Variants in DPYSL3 observed in about 807,000 individuals in gnomAD.
DPYSL3 encodes dihydropyrimidinase-related protein 3.
DPYSL3 carries 16 observed loss-of-function variants against 66.1 expected under a neutral mutation model. That is an observed-to-expected ratio of 0.24 (90% confidence interval 0.16 to 0.37). DPYSL3 has a LOEUF of 0.37. DPYSL3 is among the 10% of genes least tolerant of loss of function. The probability of loss-of-function intolerance (pLI) is 1.00; values close to 1 mark genes in which losing one functional copy is unlikely to be tolerated. For missense variants in DPYSL3, 738 were observed against 916.2 expected (o/e 0.81, Z 2.51); for synonymous variants, 338 against 345.1 (o/e 0.98, Z 0.23).
At chr5:147,396,392 G>A (rs1386807339) in intron 12 of DPYSL3, among the ~76,000 whole-genome samples, 2 of 152,186 alleles carry the variant, frequency 1.3e-5, no homozygotes, top group African/African-American at 4.8e-5. Context: ...GGTACCTCCT[G>A]CAAAGGGGCT....
chr5:147,404,922 TC>T (rs113470360), intron 8 of DPYSL3, among the ~76,000 whole-genome samples: 2,225 of 152,072 alleles, frequency 0.015, 61 homozygotes, highest in African/African-American at 0.05. Context: ...GATTATATCA[TC>T]CCCGGGGTGT....
chr5:147,456,655 A>G (rs944196852), intron 1 of DPYSL3, among the ~76,000 whole-genome samples: 1 of 126,256 alleles, frequency 7.9e-6, no homozygotes, highest in African/African-American at 3.1e-5. Context: ...CAGTGGGGTG[A>G]TCTCGGCTCA....
At chr5:147,462,337 C>A (rs1298730184) in intron 1 of DPYSL3, among the ~76,000 whole-genome samples, 1 of 152,090 alleles carries the variant, frequency 6.6e-6, no homozygotes, top group Non-Finnish European at 1.5e-5. Context: ...TCTGAAAGAT[C>A]TAGATTGTCT....
chr5:147,461,335 C>A (rs1752928448), intron 1 of DPYSL3, among the ~76,000 whole-genome samples: 1 of 152,292 alleles, frequency 6.6e-6, no homozygotes, highest in Admixed American at 6.5e-5. Context: ...ATGCAAATGG[C>A]ACACCTGGTC....
In DPYSL3 at chr5:147,509,697, G is replaced by A; in HGVS notation, c.162C>T (p.Ala54=). Residue 54 remains alanine (A), a synonymous_variant, in exon 1 of 14, where the codon GCC becomes GCT. Transcript: ENST00000343218. This position sits in a 1 kb window ranked among gnomAD's most constrained non-coding sequence, Gnocchi z 5.3. ...AFESKTLDFD[A]LSVGQRGAKT... The stretch of plus-strand genomic sequence containing the variant: ...TCGCGCCCCGCTGCCCCACGCTGAG[G>A]GCATCGAAATCCAGCGTCTTGCTCT... 1.3e-6 allele frequency: 2 copies of A among 1,535,922 alleles called. No homozygotes were observed. The highest frequency in any genetic ancestry group is 4.9e-5 in the East Asian group (2 of 40,878).
At chr5:147,455,274 C>T (rs1209472190) in intron 1 of DPYSL3, among the ~76,000 whole-genome samples, 1 of 152,164 alleles carries the variant, frequency 6.6e-6, no homozygotes, top group African/African-American at 2.4e-5. Flanking sequence ...ACACACAAAG[C>T]CCCCCTTAAA....
At chr5:147,398,571 G>T (rs751422858) in intron 11 of DPYSL3, among the ~76,000 whole-genome samples, 1 of 152,158 alleles carries the variant, frequency 6.6e-6, no homozygotes, top group African/African-American at 2.4e-5. Flanking sequence ...TTTCTGTTAG[G>T]TACTGCACTT....
intron 6 of DPYSL3, 44 bp from the exon 7 acceptor site, chr5:147,408,840 G>C: frequency 5.0e-6 from 8 of 1,602,758 alleles, no homozygotes; most frequent in Non-Finnish European, 6.8e-6. Context: ...GCTCAAGTGA[G>C]ATTTGGAAAA....
At chr5:147,458,881 A>G (rs1752892407) in intron 1 of DPYSL3, among the ~76,000 whole-genome samples, 2 of 152,230 alleles carry the variant, frequency 1.3e-5, no homozygotes, top group South Asian at 4.1e-4. Flanking sequence ...AGGGGAATAA[A>G]GGACAGTGAA....
chr5:147,403,102 A>T (rs565589617), intron 8 of DPYSL3, among the ~76,000 whole-genome samples: 1 of 152,300 alleles, frequency 6.6e-6, no homozygotes, highest in South Asian at 2.1e-4. Context: ...GAAAAATTCT[A>T]ATAATGCGCG....
chr5:147,437,665 C>A (rs148665175), intron 1 of DPYSL3, among the ~76,000 whole-genome samples: 1 of 152,148 alleles, frequency 6.6e-6, no homozygotes, highest in Non-Finnish European at 1.5e-5. Context: ...GCCTTGTAGT[C>A]CAGACCTCAA....
rs1035491375 is a variant in DPYSL3 at position 147,395,573 on chromosome 5, C to A, written c.1952G>T (p.Gly651Val). 2 of 1,612,722 alleles carry A rather than the reference C, an allele frequency of 1.2e-6. No homozygotes were observed. Among genetic ancestry groups the A allele is most frequent in the African/African-American group, 2.7e-5 (2 of 74,892 alleles). The stretch of plus-strand genomic sequence containing the variant: ...GTCCCACTCACCTGACAGGCTAAAT[C>A]CCGACTGATGAAGATTCCTCACAGG... Reference protein sequence around the residue: ...NPPVRNLHQSGFSLSGTQVDE... With the variant: ...NPPVRNLHQSVFSLSGTQVDE... The change falls in exon 13 of 14, where the codon GGA becomes GTA. Residue 651 changes from glycine to valine, a missense_variant. By Grantham distance (109) the Gly-to-Val change is moderately radical. Coordinates refer to ENST00000343218, the MANE Select transcript of DPYSL3 (RefSeq NM_001197294.2).
In DPYSL3 at chr5:147,397,826, A is replaced by C; in HGVS notation, c.1643T>G (p.Phe548Cys). 1 of 1,612,216 alleles carries C rather than the reference A, an allele frequency of 6.2e-7. No homozygotes were observed. The highest frequency in any genetic ancestry group is 8.5e-7 in the Non-Finnish European group (1 of 1,179,024). Reference sequence around the variant, plus strand: ...AGCCCCGCGCAGCTCCATCCCTTCAAAGATGTTGTACTCTGCCGCCTAGAG... The same window carrying C: ...AGCCCCGCGCAGCTCCATCCCTTCACAGATGTTGTACTCTGCCGCCTAGAG... ...NHQSAAEYNIFEGMELRGAPL... is the reference protein window; with the variant it reads ...NHQSAAEYNICEGMELRGAPL... The change falls in exon 12 of 14, where the codon TTT becomes TGT. Residue 548 changes from phenylalanine to cysteine, a missense_variant. Transcript: ENST00000343218.
At position 147,476,661 on chromosome 5, in the gene DPYSL3, T is replaced by C. The variant is rs2126429666; in HGVS notation, c.381+32817A>G. 2.0e-5 allele frequency among the ~76,000 whole-genome samples: 3 copies of C among 152,320 alleles called. No individual in the cohort carries two copies. The South Asian group carries it at 6.2e-4, about 32-fold the overall frequency. On this transcript the variant is annotated intron_variant, in intron 1 of 13. Coordinates refer to ENST00000343218, the MANE Select transcript of DPYSL3 (RefSeq NM_001197294.2). ...AATGCAAACTGGTGAAATCTTCTCA[T>C]GTATATGGAGTGATGACATGGAGCT...
In DPYSL3 at chr5:147,509,730, G is replaced by A; in HGVS notation, c.129C>T (p.Gly43=). Residue 43 remains glycine (G), a synonymous_variant, in exon 1 of 14, where the codon GGC becomes GGT. Transcript: ENST00000343218. This position sits in a 1 kb window ranked among gnomAD's most constrained non-coding sequence, Gnocchi z 5.3. Reference sequence around the variant, plus strand: ...AATCCAGCGTCTTGCTCTCGAAGGCGCCCTCCACGTTGCAGAACATGCCGC... The same window carrying A: ...AATCCAGCGTCTTGCTCTCGAAGGCACCCTCCACGTTGCAGAACATGCCGC... ...KYGGMFCNVE[G]AFESKTLDFD... is the part of the protein sequence containing the mutation. 6.5e-7 allele frequency: 1 copy of A among 1,535,978 alleles called. No homozygotes were observed. Among genetic ancestry groups the A allele is most frequent in the East Asian group, 2.4e-5 (1 of 40,884 alleles).
intron 1 of DPYSL3, among the ~76,000 whole-genome samples, chr5:147,446,517 G>A (rs1752632206): frequency 6.6e-6 from 1 of 152,202 alleles, no homozygotes; most frequent in Non-Finnish European, 1.5e-5. Flanking sequence ...TGGGTTCCTG[G>A]ACCATTCTAC....
chr5:147,397,975 C>A, intron 11 of DPYSL3, 130 bp from the exon 12 acceptor site: 1 of 908,808 alleles, frequency 1.1e-6, no homozygotes, highest in Admixed American at 3.1e-5. Context: ...CACCATGCAT[C>A]TGCAAGCATC....
At chr5:147,495,184 A>C (rs994701685) in intron 1 of DPYSL3, among the ~76,000 whole-genome samples, 1 of 152,166 alleles carries the variant, frequency 6.6e-6, no homozygotes, top group African/African-American at 2.4e-5. Context: ...AGCAGAAGAA[A>C]TACTTCCCAG....
Position 147,393,914 on chromosome 5 carries a change from G to A in DPYSL3, c.*121C>T, listed in dbSNP as rs1429637609. 3.1e-6 allele frequency: 3 copies of A among 966,750 alleles called. No homozygotes were observed. The highest frequency in any genetic ancestry group is 1.6e-5 in the African/African-American group (1 of 61,248). The allele number at this position is 966,750 out of a possible 1,614,324, so 59.9% of individuals were successfully genotyped here. A position where few individuals can be genotyped will look rare whatever the true frequency, so the allele number is the denominator to read the frequency against. On this transcript the variant is annotated 3_prime_UTR_variant, in exon 14 of 14. Transcript: ENST00000343218. ...ACATTGGAGAAACATAAGGCTTGAGGCTTATTGATTCTTTAGATCACAACC... is the reference window on the plus strand; with the variant it reads ...ACATTGGAGAAACATAAGGCTTGAGACTTATTGATTCTTTAGATCACAACC...
Sources: gnomAD v4.1 joint callset for allele counts (sites outside exome capture counted in the v4.1 genomes callset) on GRCh38, gnomAD v4.1.1 for gene constraint, Gnocchi (gnomAD v3.1) non-coding constraint, MANE v1.5 for transcripts, NCBI Gene and HGNC (gene_info 2026-07-23, HGNC 2026-07-21) for gene names.